The following ATP8B4 variants were observed in gnomAD, a reference collection of about 807,000 sequenced individuals.
The protein encoded by ATP8B4 is ATPase phospholipid transporting 8B4 (putative).
ATP8B4 carries 133 observed loss-of-function variants against 145.6 expected under a neutral mutation model. That is an observed-to-expected ratio of 0.91 (90% confidence interval 0.79 to 1.05). The LOEUF (loss-of-function observed/expected upper bound fraction) is 1.05. ATP8B4 is among the 50% of genes least tolerant of loss of function. ATP8B4 has a pLI of 0.00. For missense variants in ATP8B4, 1,458 were observed against 1,425.2 expected, an observed-to-expected ratio of 1.02 and a Z score of -0.37; for synonymous variants, 507 against 492.9, an observed-to-expected ratio of 1.03 and a Z score of -0.38.
intron 25 of ATP8B4, among the ~76,000 whole-genome samples, chr15:49,871,880 A>C (rs1017813886): frequency 4.6e-5 from 7 of 152,140 alleles, no homozygotes; most frequent in Non-Finnish European, 8.8e-5. Context: ...CTCAGAATTA[A>C]TGGTGGGAGT....
chr15:50,112,937 A>C (rs1439864878), intron 1 of ATP8B4, among the ~76,000 whole-genome samples: 1 of 152,098 alleles, frequency 6.6e-6, no homozygotes, highest in Non-Finnish European at 1.5e-5. Flanking sequence ...CCAAGCGTGG[A>C]GAGGAAGAGG....
intron 3 of ATP8B4, among the ~76,000 whole-genome samples, chr15:50,060,260 C>G (rs145253958): frequency 6.6e-6 from 1 of 152,130 alleles, no homozygotes; most frequent in South Asian, 2.1e-4. Context: ...ACTTAATACA[C>G]GCAGGTTAAG....
At position 49,918,889 on chromosome 15, in the gene ATP8B4, C is replaced by T. The variant is rs144592750; in HGVS notation, c.1985G>A (p.Ser662Asn). Residue 662 changes from serine to asparagine, a missense_variant, in exon 19 of 28, where the codon AGT becomes AAT. Transcript: ENST00000284509. ...GATCTTAATATTGGCTAGTGATAAACTTGTAACTGTTTCAATAACACCCTC... is the reference window on the plus strand; with the variant it reads ...GATCTTAATATTGGCTAGTGATAAATTTGTAACTGTTTCAATAACACCCTC... ...LQEGVIETVT[S>N]LSLANIKIWV... is the part of the protein sequence containing the mutation. The T allele has an allele frequency of 1.3e-5, 21 of 1,613,580 alleles. No homozygotes were observed. The highest frequency in any genetic ancestry group is 1.8e-5 in the Non-Finnish European group (21 of 1,179,768).
chr15:49,956,977 A>ATAGGTCTAAAACCAATAGAT (rs2043625665), intron 14 of ATP8B4, among the ~76,000 whole-genome samples: 1 of 152,226 alleles, frequency 6.6e-6, no homozygotes, highest in African/African-American at 2.4e-5. Flanking sequence ...AGCTGAAGGA[A>ATAGGTCTAAAACCAATAGAT]TAGGTCTAAA....
chr15:50,089,225 T>G (rs959775853), intron 2 of ATP8B4, among the ~76,000 whole-genome samples: 3 of 152,058 alleles, frequency 2.0e-5, no homozygotes, highest in Non-Finnish European at 4.4e-5. Flanking sequence ...TGGGCAAAGA[T>G]TTCATGACAA....
At chr15:50,061,153 G>A (rs2052986905) in intron 3 of ATP8B4, among the ~76,000 whole-genome samples, 1 of 151,664 alleles carries the variant, frequency 6.6e-6, no homozygotes, top group African/African-American at 2.4e-5. Context: ...TATTTTTCTG[G>A]ACTTCGTTTT....
Position 49,961,964 on chromosome 15 carries a change from A to G in ATP8B4, c.1287+13T>C. On this transcript the variant is annotated intron_variant, in intron 14 of 27. Transcript: ENST00000284509. ...AAATTAAAACTAAGAATAAAATTTT[A>G]TCACTTCCACACCTGAGTTATTTCT... 2.5e-6 allele frequency: 4 copies of G among 1,579,556 alleles called. No individual in the cohort carries two copies. Among genetic ancestry groups the G allele is most frequent in the Non-Finnish European group, 3.4e-6 (4 of 1,166,242 alleles).
intron 16 of ATP8B4, 149 bp from the exon 17 acceptor site, chr15:49,923,643 C>G (rs1032345015): frequency 2.8e-5 from 15 of 540,874 alleles, no homozygotes; most frequent in Admixed American, 7.0e-5. Flanking sequence ...TAGGTCATTA[C>G]CTAAGTCACT....
chr15:50,111,297 T>G (rs2056928354), intron 1 of ATP8B4, among the ~76,000 whole-genome samples: 1 of 152,186 alleles, frequency 6.6e-6, no homozygotes, highest in African/African-American at 2.4e-5. Context: ...CTGATAATAA[T>G]TTGCTTTCCC....
intron 9 of ATP8B4, among the ~76,000 whole-genome samples, chr15:49,990,558 A>C (rs1440875096): frequency 6.6e-6 from 1 of 152,144 alleles, no homozygotes; most frequent in Non-Finnish European, 1.5e-5. Context: ...CCCATACTGA[A>C]AAAAATCTAC....
At chr15:49,992,064 CCACTT>C (rs2047084522) in intron 9 of ATP8B4, among the ~76,000 whole-genome samples, 2 of 152,100 alleles carry the variant, frequency 1.3e-5, no homozygotes, top group African/African-American at 4.8e-5. Flanking sequence ...TCTGGCTTCT[CCACTT>C]AACAGCCATA....
Position 49,918,924 on chromosome 15 carries a change from A to C in ATP8B4, c.1950T>G (p.Asp650Glu), listed in dbSNP as rs750099341. 7 of 1,613,374 alleles carry C rather than the reference A, an allele frequency of 4.3e-6. No individual in the cohort carries two copies. The highest frequency in any genetic ancestry group is 3.4e-6 in the Non-Finnish European group (4 of 1,179,594). ...LMLLGATAVE[D>E]KLQEGVIETV... is the part of the protein sequence containing the mutation. ...TTTCAATAACACCCTCCTGTAACTT[A>C]TCTTCTACAGCAGTGGCACCTAGTA... The change falls in exon 19 of 28, where the codon GAT (aspartate) becomes GAG (glutamate). Residue 650 changes from aspartate (D) to glutamate (E), a missense_variant. Coordinates refer to ENST00000284509, the MANE Select transcript of ATP8B4 (RefSeq NM_024837.4).
intron 2 of ATP8B4, among the ~76,000 whole-genome samples, chr15:50,085,885 T>TTATATATGATATATATCATATATA (rs2054898604): frequency 2.9e-5 from 2 of 69,390 alleles, no homozygotes; most frequent in African/African-American, 1.1e-4. Flanking sequence ...ATTTATATAT[T>TTATATATGATATATATCATATATA]TATATATGAT....
At chr15:50,087,438 A>T (rs1330966749) in intron 2 of ATP8B4, among the ~76,000 whole-genome samples, 3 of 147,292 alleles carry the variant, frequency 2.0e-5, no homozygotes, top group Admixed American at 1.4e-4. Flanking sequence ...TATTTGATAC[A>T]TAATATATAT....
At position 50,026,310 on chromosome 15, in the gene ATP8B4, G is replaced by A. The variant is rs1408334160; in HGVS notation, c.362+12458C>T. On this transcript the variant is annotated intron_variant, in intron 6 of 27. Coordinates refer to ENST00000284509, the MANE Select transcript of ATP8B4 (RefSeq NM_024837.4). ...GAGGAACCTTGAAATATCTGGCCTA[G>A]TGGTACTCAAACTTCAATGTACATG... is the stretch of plus-strand genomic sequence containing the variant. Among the ~76,000 whole-genome samples the A allele has an allele frequency of 2.0e-5, 3 of 152,272 alleles. No individual in the cohort carries two copies. In the East Asian group the frequency reaches 5.8e-4, roughly 29 times the overall value.
At chr15:49,873,333 C>T (rs1249900696) in intron 25 of ATP8B4, among the ~76,000 whole-genome samples, 1 of 152,144 alleles carries the variant, frequency 6.6e-6, no homozygotes, top group Non-Finnish European at 1.5e-5. Flanking sequence ...GAATTATGTA[C>T]TACATGAAAC....
intron 5 of ATP8B4, among the ~76,000 whole-genome samples, chr15:50,040,860 G>A (rs917297408): frequency 1.3e-5 from 2 of 152,214 alleles, no homozygotes; most frequent in Non-Finnish European, 2.9e-5. Flanking sequence ...CCACAGGAAA[G>A]AAAGGAAGTA....
intron 12 of ATP8B4, among the ~76,000 whole-genome samples, chr15:49,975,064 T>C (rs920125504): frequency 1.3e-5 from 2 of 152,152 alleles, no homozygotes; most frequent in African/African-American, 4.8e-5. Flanking sequence ...ATAGAATCAA[T>C]GTATCCATCT....
chr15:49,972,088 C>G (rs1468486755), intron 13 of ATP8B4, among the ~76,000 whole-genome samples: 1 of 152,118 alleles, frequency 6.6e-6, no homozygotes, highest in Non-Finnish European at 1.5e-5. Flanking sequence ...CACATGAACA[C>G]AGGGAGGGGA....
Sources: gnomAD v4.1 joint callset for allele counts (sites outside exome capture counted in the v4.1 genomes callset) on GRCh38, gnomAD v4.1.1 for gene constraint, MANE v1.5 for transcripts, NCBI Gene and HGNC (gene_info 2026-07-23, HGNC 2026-07-21) for gene names.